The following SEC16B variants were observed in gnomAD, a reference collection of about 807,000 sequenced individuals.
The protein encoded by SEC16B is SEC16 homolog B, endoplasmic reticulum export factor, also known as protein transport protein Sec16B.
A neutral mutation model predicts 141.8 loss-of-function variants in SEC16B; 115 were observed. The ratio of observed to expected loss-of-function variants is 0.81; its 90% CI spans 0.70 to 0.95. The LOEUF (loss-of-function observed/expected upper bound fraction) is 0.95. Among genes scored for constraint, SEC16B ranks in the 40% least tolerant of loss-of-function variants. The probability of loss-of-function intolerance (pLI) is 0.00; values close to 1 mark genes in which losing one functional copy is unlikely to be tolerated. For missense variants in SEC16B, 1,291 were observed against 1,312.3 expected, an observed-to-expected ratio of 0.98 and a Z score of 0.25; for synonymous variants, 493 against 492.5, an observed-to-expected ratio of 1.00 and a Z score of -0.01.
Position 177,936,376 on chromosome 1 carries a change from A to T in SEC16B, c.2504-11T>A. 1 of 1,603,118 alleles carries T rather than the reference A, an allele frequency of 6.2e-7. No individual in the cohort carries two copies. The highest frequency in any genetic ancestry group is 8.5e-7 in the Non-Finnish European group (1 of 1,173,970). On this transcript the variant is annotated splice_polypyrimidine_tract_variant and intron_variant, in intron 19 of 25. Coordinates refer to ENST00000308284, the MANE Select transcript of SEC16B (RefSeq NM_033127.4). The stretch of plus-strand genomic sequence containing the variant: ...ACACTGTGTTCTCTCCTGCATCACA[A>T]ACAGAAATGGAAATAGCAATTGGAA...
At position 177,964,227 on chromosome 1, in the gene SEC16B, C is replaced by G; in HGVS notation, c.586G>C (p.Glu196Gln). 6.2e-7 allele frequency: 1 copy of G among 1,613,780 alleles called. No individual in the cohort carries two copies. Among genetic ancestry groups the G allele is most frequent in the Non-Finnish European group, 8.5e-7 (1 of 1,179,774 alleles). The change falls in exon 5 of 26, where the codon GAG becomes CAG. Residue 196 changes from glutamate to glutamine, a missense_variant. Physicochemically the swap from Glu to Gln is conservative, Grantham distance 29. Around this residue, in one of 3 missense-constraint regions of SEC16B, gnomAD observed 681 missense variants for 675.5 expected, o/e 1.01. Transcript: ENST00000308284. ...KDSPASNSGQ[E>Q]WPGELFPGSL... The stretch of plus-strand genomic sequence containing the variant: ...CCTGGAAACAGCTCCCCCGGCCACT[C>G]CTGTCCAGAGTTGGAAGCAGGGCTG...
rs566544103 is a variant in SEC16B, at chr1:177,942,846, T to A, written c.1882-806A>T. ...AAAGCTCCATGCGAGGTGTGAAACA[T>A]TGGGCTAGTTACCTCATCTCTCTGT... is the stretch of plus-strand genomic sequence containing the variant. On this transcript the variant is annotated intron_variant, in intron 15 of 25. Coordinates refer to ENST00000308284, the MANE Select transcript of SEC16B (RefSeq NM_033127.4). Among the ~76,000 whole-genome samples the A allele has an allele frequency of 6.4e-4, 98 of 152,216 alleles. 1 individual carries two copies. Among genetic ancestry groups the A allele is most frequent in the African/African-American group, 2.2e-3 (93 of 41,534 alleles).
At position 177,930,502 on chromosome 1, in the gene SEC16B, A is replaced by G. The variant is rs1159608596; in HGVS notation, c.3111+43T>C. Reference sequence around the variant, plus strand: ...TAAACCTAGGTCTCCTTAATCCAAAACCTGTACTCCTGGCCAGCCCCTCCC... The same window carrying G: ...TAAACCTAGGTCTCCTTAATCCAAAGCCTGTACTCCTGGCCAGCCCCTCCC... On this transcript the variant is annotated intron_variant, in intron 25 of 25. Coordinates refer to ENST00000308284, the MANE Select transcript of SEC16B (RefSeq NM_033127.4). 2.1e-6 allele frequency: 3 copies of G among 1,410,844 alleles called. No individual in the cohort carries two copies. In the Admixed American group the frequency reaches 5.3e-5, roughly 25 times the overall value. The allele number at this position is 1,410,844 out of a possible 1,614,324, so 87.4% of individuals were successfully genotyped here.
chr1:177,934,239 A>T lies in SEC16B; in HGVS notation c.2572-603T>A, dbSNP rs74128474. ...AGTAAGTATACACACAGTGTCGTAC[A>T]ACCATCACCACTAGCCATCTCCAGA... On this transcript the variant is annotated intron_variant, in intron 20 of 25. Transcript: ENST00000308284. 2.8e-3 allele frequency among the ~76,000 whole-genome samples: 429 copies of T among 152,286 alleles called. 2 individuals are homozygous for T. Among genetic ancestry groups the T allele is most frequent in the African/African-American group, 9.9e-3 (411 of 41,558 alleles).
intron 12 of SEC16B, chr1:177,948,515 A>C (rs1011420432): frequency 1.5e-5 from 19 of 1,304,216 alleles, no homozygotes; most frequent in Non-Finnish European, 1.9e-5. Context: ...CAAGTGGCCC[A>C]GCTAGGACGA....
At position 177,969,887 on chromosome 1, in the gene SEC16B, C is replaced by G. The variant is rs1361669493; in HGVS notation, c.-62G>C. 6.6e-6 allele frequency: 1 copy of G among 152,214 alleles called. No homozygotes were observed. Among genetic ancestry groups the G allele is most frequent in the African/African-American group, 2.4e-5 (1 of 41,438 alleles). 9.4% of individuals were successfully genotyped at this position (152,214 alleles called of 1,614,324 possible). On this transcript the variant is annotated 5_prime_UTR_variant, in exon 1 of 26. Coordinates refer to ENST00000308284, the MANE Select transcript of SEC16B (RefSeq NM_033127.4). ...GGGAGCGAGTGTTCCCACACACCTGCTCTGATGGCTTCCCACCTTCCTTCA... is the reference window on the plus strand; with the variant it reads ...GGGAGCGAGTGTTCCCACACACCTGGTCTGATGGCTTCCCACCTTCCTTCA...
In SEC16B at chr1:177,930,606, A is replaced by G. The variant is rs1351238881; in HGVS notation, c.3050T>C (p.Leu1017Pro). Residue 1017 changes from leucine to proline, a missense_variant, in exon 25 of 26, where the codon CTT (leucine) becomes CCT (proline). Coordinates refer to ENST00000308284, the MANE Select transcript of SEC16B (RefSeq NM_033127.4). ...CCCTTTTAAGGCAGGTGGAGGAAGA[A>G]GAACACCAGGGTTGGAGCAGAGCTC... ...SFELCSNPGV[L>P]LPPPALKGAV... 1 of 1,613,856 alleles carries G rather than the reference A, an allele frequency of 6.2e-7. No individual in the cohort carries two copies. Among genetic ancestry groups the G allele is most frequent in the South Asian group, 1.1e-5 (1 of 90,986 alleles).
In SEC16B at chr1:177,933,772, G is replaced by C. The variant is rs1224781635; in HGVS notation, c.2572-136C>G. 5.7e-6 allele frequency: 5 copies of C among 874,790 alleles called. No homozygotes were observed. In the African/African-American group the frequency reaches 8.4e-5, roughly 15 times the overall value. The allele number at this position is 874,790 out of a possible 1,614,324, so 54.2% of individuals were successfully genotyped here. A position where few individuals can be genotyped will look rare whatever the true frequency, so the allele number is the denominator to read the frequency against. On this transcript the variant is annotated intron_variant, in intron 20 of 25. Transcript: ENST00000308284. The stretch of plus-strand genomic sequence containing the variant: ...AGGATCATATTGTACTGAAGAGGAA[G>C]GAAGGCTCAGCCATGAAAAATGACT...
intron 3 of SEC16B, among the ~76,000 whole-genome samples, chr1:177,965,646 C>T (rs1476725094): frequency 2.0e-5 from 3 of 152,290 alleles, no homozygotes; most frequent in Admixed American, 1.3e-4. Flanking sequence ...GGAGAAAAAA[C>T]ATGGATGAAG....
At chr1:177,958,047 A>C in intron 10 of SEC16B, 85 bp downstream of exon 10, 1 of 921,358 alleles carries the variant, frequency 1.1e-6, no homozygotes, top group Non-Finnish European at 1.5e-6. Flanking sequence ...AGTATATACT[A>C]TTCACATAAT....
upstream of SEC16B, among the ~76,000 whole-genome samples, chr1:177,973,972 A>C (rs1654063430): frequency 1.3e-5 from 2 of 152,004 alleles, no homozygotes; most frequent in African/African-American, 4.8e-5. Flanking sequence ...AGCTGTGGAG[A>C]GACTGGAGGA....
At chr1:177,956,452 G>A (rs1652608346) in intron 10 of SEC16B, among the ~76,000 whole-genome samples, 1 of 152,078 alleles carries the variant, frequency 6.6e-6, no homozygotes, top group Non-Finnish European at 1.5e-5. Context: ...TTAGAAAAGA[G>A]AAAATAACAA....
chr1:177,946,592 T>C, intron 13 of SEC16B, 61 bp from the exon 14 acceptor site: 1 of 1,299,200 alleles, frequency 7.7e-7, no homozygotes, highest in African/African-American at 1.5e-5. Flanking sequence ...AGCCATCATC[T>C]GGGTGGGATG....
chr1:177,974,627 G>A (rs1377829921), upstream of SEC16B, among the ~76,000 whole-genome samples: 1 of 152,200 alleles, frequency 6.6e-6, no homozygotes, highest in East Asian at 1.9e-4. Context: ...TTTCAGTAGG[G>A]CCATGGTCAA....
chr1:177,944,708 G>T, intron 14 of SEC16B, 42 bp from the exon 15 acceptor site: 1 of 1,521,036 alleles, frequency 6.6e-7, no homozygotes, highest in Non-Finnish European at 9.1e-7. Context: ...GAGGTGTGGG[G>T]GACGCAGGAG....
chr1:177,956,143 A>G (rs1327832681), intron 10 of SEC16B, among the ~76,000 whole-genome samples: 1 of 152,194 alleles, frequency 6.6e-6, no homozygotes, highest in East Asian at 1.9e-4. Flanking sequence ...TTTTAATTTC[A>G]TTATGCATTA....
intron 1 of SEC16B, among the ~76,000 whole-genome samples, chr1:177,969,041 T>C (rs961361728): frequency 1.3e-5 from 2 of 152,190 alleles, no homozygotes; most frequent in Non-Finnish European, 2.9e-5. Context: ...GCCTCAGATC[T>C]TACTCTTGCT....
At chr1:177,941,813 T>G in intron 16 of SEC16B, 87 bp downstream of exon 16, 4 of 1,439,622 alleles carry the variant, frequency 2.8e-6, no homozygotes, top group Non-Finnish European at 3.8e-6. Context: ...TCAAAGAAGA[T>G]GAAATGTAGA....
Position 177,930,600 on chromosome 1 carries a change from G to C in SEC16B, c.3056C>G (p.Pro1019Arg). The C allele has an allele frequency of 6.2e-7, 1 of 1,613,820 alleles. No individual in the cohort carries two copies. Among genetic ancestry groups the C allele is most frequent in the South Asian group, 1.1e-5 (1 of 90,986 alleles). The change falls in exon 25 of 26, where the codon CCT (proline) becomes CGT (arginine). Residue 1019 changes from proline (P) to arginine (R), a missense_variant. Transcript: ENST00000308284. ...AACAGCCCCTTTTAAGGCAGGTGGA[G>C]GAAGAAGAACACCAGGGTTGGAGCA... ...ELCSNPGVLL[P>R]PPALKGAVPL...
Sources: gnomAD v4.1 joint callset for allele counts (sites outside exome capture counted in the v4.1 genomes callset) on GRCh38, gnomAD v4.1.1 for gene constraint, gnomAD v4.1.1 regional missense constraint, MANE v1.5 for transcripts, NCBI Gene and HGNC (gene_info 2026-07-23, HGNC 2026-07-21) for gene names.